MROH2A: variants seen among roughly 807,000 people sequenced by gnomAD.
MROH2A encodes the protein maestro heat-like repeat-containing protein family member 2A.
In MROH2A, 174 loss-of-function variants were observed where a neutral mutation model predicts 200.4. That is an observed-to-expected ratio of 0.87 (90% CI 0.77 to 0.98). The LOEUF is 0.98. Among genes scored for constraint, MROH2A ranks in the 50% least tolerant of loss-of-function variants. MROH2A has a pLI of 0.00. For synonymous variants in MROH2A, 829 were observed against 840.4 expected (o/e 0.99, Z 0.23); for missense variants, 2,045 against 2,139.6 (o/e 0.96, Z 0.87).
intron 11 of MROH2A, among the ~76,000 whole-genome samples, chr2:233,797,236 AAATC>A (rs1213854824): frequency 6.6e-6 from 1 of 152,244 alleles, no homozygotes; most frequent in Admixed American, 6.5e-5. Flanking sequence ...ACAGAGATGT[AAATC>A]AATAAATGAT....
chr2:233,825,703 C>T (rs1420774175), intron 35 of MROH2A, among the ~76,000 whole-genome samples: 1 of 152,120 alleles, frequency 6.6e-6, no homozygotes, highest in Non-Finnish European at 1.5e-5. Flanking sequence ...TGATATGCTG[C>T]TGGATTCAGT....
intron 3 of MROH2A, among the ~76,000 whole-genome samples, chr2:233,786,874 TG>T (rs1701233201): frequency 6.6e-6 from 1 of 152,218 alleles, no homozygotes; most frequent in Non-Finnish European, 1.5e-5. Context: ...TGTTAAAAGC[TG>T]TTCAAATGAG....
At chr2:233,794,013 C>T (rs187868287) in intron 7 of MROH2A, among the ~76,000 whole-genome samples, 189 bp downstream of exon 7, 1 of 152,272 alleles carries the variant, frequency 6.6e-6, no homozygotes, top group African/African-American at 2.4e-5. Context: ...GGAGCCTCAT[C>T]CACGAGGCCA....
Position 233,810,119 on chromosome 2 carries a change from C to T in MROH2A, c.2449-675C>T, listed in dbSNP as rs145901774. On this transcript the variant is annotated intron_variant, in intron 22 of 41. Coordinates refer to ENST00000389758, the MANE Select transcript of MROH2A (RefSeq NM_001394639.1). ...TGCCTCTATGGTAACACATAGGGCT[C>T]GGGGCCCCTGGTCACTGAAGGCGGC... 8.6e-3 allele frequency among the ~76,000 whole-genome samples: 1,306 copies of T among 152,260 alleles called. 16 individuals carry two copies. Among genetic ancestry groups the T allele is most frequent in the African/African-American group, 0.028 (1,166 of 41,542 alleles).
chr2:233,789,067 A>C (rs191732784), intron 3 of MROH2A, among the ~76,000 whole-genome samples: 23 of 151,456 alleles, frequency 1.5e-4, no homozygotes, highest in Admixed American at 1.5e-3. Context: ...ATCCTAAACC[A>C]GGTCATTTTC....
intron 38 of MROH2A, 29 bp downstream of exon 38, chr2:233,829,804 A>T: frequency 4.1e-5 from 53 of 1,292,836 alleles, no homozygotes; most frequent in Non-Finnish European, 5.2e-5. Context: ...TTTGTGTCCC[A>T]GTCTGGGGCC....
intron 31 of MROH2A, among the ~76,000 whole-genome samples, chr2:233,821,491 G>C (rs768336131): frequency 3.3e-5 from 5 of 152,192 alleles, no homozygotes; most frequent in Admixed American, 1.3e-4. Context: ...TGTTCAACTT[G>C]ACCTTGTTAA....
rs1470501193 is a variant in MROH2A at position 233,792,819 on chromosome 2, G to T, written c.595G>T (p.Gly199Cys). The change falls in exon 6 of 42, where the codon GGC becomes TGC. Residue 199 changes from glycine to cysteine, a missense_variant. Gly to Cys is a radical substitution (Grantham distance 159). This residue lies in a region of MROH2A where 831 missense variants were observed against 800.0 expected (regional missense o/e 1.04). Coordinates refer to ENST00000389758, the MANE Select transcript of MROH2A (RefSeq NM_001394639.1). ...AGTGTTTGAGTTCATGCCATACATG[G>T]GCATCACCCTGGCTACCATATTCAC... ...GNVFEFMPYM[G>C]ITLATIFTML... The T allele has an allele frequency of 1.9e-5, 29 of 1,549,508 alleles. No homozygotes were observed. The highest frequency in any genetic ancestry group is 8.7e-7 in the Non-Finnish European group (1 of 1,146,220).
chr2:233,822,271 G>A lies in MROH2A; in HGVS notation c.3660G>A (p.Val1220=). ...CTGACATCTGGCGCCTGGCTGCGGTGGACCCCCTGATGGTGAGTTGCAGGC... is the reference window on the plus strand; with the variant it reads ...CTGACATCTGGCGCCTGGCTGCGGTAGACCCCCTGATGGTGAGTTGCAGGC... ...SKADIWRLAA[V]DPLMTLCTIH... The change falls in exon 32 of 42, where the codon GTG becomes GTA. Residue 1220 remains valine (V), a synonymous_variant. Coordinates refer to ENST00000389758, the MANE Select transcript of MROH2A (RefSeq NM_001394639.1). 6.5e-7 allele frequency: 1 copy of A among 1,547,564 alleles called. No homozygotes were observed. Among genetic ancestry groups the A allele is most frequent in the Non-Finnish European group, 8.7e-7 (1 of 1,146,964 alleles).
At chr2:233,797,677 G>T (rs970856303) in intron 11 of MROH2A, among the ~76,000 whole-genome samples, 1 of 152,124 alleles carries the variant, frequency 6.6e-6, no homozygotes, top group Admixed American at 6.5e-5. Flanking sequence ...ATGAACATAT[G>T]CTATTTTTTC....
chr2:233,796,228 GTTC>G lies in MROH2A; in HGVS notation c.1174_1176del (p.Phe392del), dbSNP rs1438984159. The G allele has an allele frequency of 9.7e-6, 15 of 1,548,404 alleles. No individual in the cohort carries two copies. The East Asian group carries it at 1.5e-4, about 15-fold the overall frequency. On this transcript the variant is annotated inframe_deletion, in exon 11 of 42. Coordinates refer to ENST00000389758, the MANE Select transcript of MROH2A (RefSeq NM_001394639.1). ...GCTCCTACCCCAAGGAGCTGATGAAGTTCTTCTTCAGCCAGATGGAGACAAACA... is the reference window on the plus strand; with the variant it reads ...GCTCCTACCCCAAGGAGCTGATGAAGTTCTTCAGCCAGATGGAGACAAACA...
Position 233,779,385 on chromosome 2 carries a change from A to G in MROH2A, c.27A>G (p.Ala9=). ...TGACTGAAGCCATTACAGAAGCAGC[A>G]GTAGCCTCAAGTGAGGAGGTGTCAG... MTEAITEA[A]VASSEEVSEE... is the part of the protein sequence containing the mutation. The change falls in exon 2 of 42, where the codon GCA becomes GCG. Residue 9 remains alanine, a synonymous_variant. Transcript: ENST00000389758. The G allele has an allele frequency of 2.6e-6, 4 of 1,549,896 alleles. No individual in the cohort carries two copies. The highest frequency in any genetic ancestry group is 3.5e-6 in the Non-Finnish European group (4 of 1,146,264).
In MROH2A at chr2:233,794,520, C is replaced by A; in HGVS notation, c.966+14C>A. 2 of 1,397,868 alleles carry A rather than the reference C, an allele frequency of 1.4e-6. No individual in the cohort carries two copies. Among genetic ancestry groups the A allele is most frequent in the Non-Finnish European group, 2.0e-6 (2 of 1,007,980 alleles). 86.6% of individuals were successfully genotyped at this position (1,397,868 alleles called of 1,614,324 possible). On this transcript the variant is annotated intron_variant, in intron 8 of 41. Transcript: ENST00000389758. ...TTCGTCACGCAGGCGAGTGGCCAGG[C>A]AGCCACGGCTCTGGGCAGGAGGCTT...
chr2:233,821,438 GC>G (rs1390196251), intron 31 of MROH2A, among the ~76,000 whole-genome samples: 1 of 152,186 alleles, frequency 6.6e-6, no homozygotes, highest in Non-Finnish European at 1.5e-5. Flanking sequence ...CTGCTCTTGT[GC>G]ATTGGTTTTG....
chr2:233,821,997 C>T, intron 31 of MROH2A, 127 bp from the exon 32 acceptor site: 1 of 1,206,696 alleles, frequency 8.3e-7, no homozygotes, highest in South Asian at 1.6e-5. Context: ...GCTCCCTCCG[C>T]CTCCCTGAGA....
intron 5 of MROH2A, among the ~76,000 whole-genome samples, chr2:233,791,206 G>T (rs1701741031): frequency 6.6e-6 from 1 of 152,190 alleles, no homozygotes; most frequent in African/African-American, 2.4e-5. Context: ...TAAGCTGCAG[G>T]GTCGCCTGGT....
intron 3 of MROH2A, among the ~76,000 whole-genome samples, chr2:233,780,323 G>C (rs771958083): frequency 2.6e-5 from 4 of 152,188 alleles, no homozygotes; most frequent in Non-Finnish European, 4.4e-5. Context: ...CAAGGGTTTG[G>C]AACAGAGCTG....
intron 24 of MROH2A, 135 bp downstream of exon 24, chr2:233,812,094 C>T: frequency 1.6e-6 from 1 of 637,766 alleles, no homozygotes; most frequent in East Asian, 2.8e-5. Flanking sequence ...TTGGAGGCTC[C>T]CCAGGGCAAT....
At chr2:233,795,604 C>A (rs1195472432) in intron 8 of MROH2A, 49 bp from the exon 9 acceptor site, 54 of 1,550,572 alleles carry the variant, frequency 3.5e-5, no homozygotes, top group Non-Finnish European at 4.6e-5. Context: ...TAGAGTTTGA[C>A]CTTGAGTTGG....
Sources: allele counts gnomAD v4.1 joint callset (sites outside exome capture counted in the v4.1 genomes callset), GRCh38; gene constraint gnomAD v4.1.1; regional missense constraint gnomAD v4.1.1; transcripts MANE v1.5; gene names NCBI Gene and HGNC (gene_info 2026-07-23, HGNC 2026-07-21).